CCDC14: variants seen among roughly 807,000 people sequenced by gnomAD.
CCDC14 encodes coiled-coil domain-containing protein 14.
Under a neutral mutation model 81.4 loss-of-function variants are expected in CCDC14, and 71 were observed. That is an observed-to-expected ratio of 0.87 (90% CI 0.72 to 1.06). CCDC14 has a LOEUF of 1.06. Ranked by LOEUF, CCDC14 falls within the 50% of genes least tolerant of loss-of-function variation. CCDC14 has a pLI of 0.00. For synonymous variants in CCDC14, 332 were observed against 364.8 expected (o/e 0.91, Z 1.03); for missense variants, 1,046 against 1,047.3 (o/e 1.00, Z 0.02).
chr3:123,914,773 C>A lies in CCDC14; in HGVS notation c.*6G>T. 1 of 1,501,862 alleles carries A rather than the reference C, an allele frequency of 6.7e-7. No individual in the cohort carries two copies. The highest frequency in any genetic ancestry group is 2.5e-5 in the East Asian group (1 of 40,642). The allele number at this position is 1,501,862 out of a possible 1,614,324, so 93.0% of individuals were successfully genotyped here. ...AAAGAAGCACCTGATGAGTTTTCTT[C>A]TGAATTCATTTCTCCAGAAGACCAG... On this transcript the variant is annotated 3_prime_UTR_variant, in exon 13 of 13. Transcript: ENST00000409697.
rs904692779 is a variant in CCDC14 at position 123,944,944 on chromosome 3, T to C, written c.1248A>G (p.Ile416Met). Residue 416 changes from isoleucine (I) to methionine (M), a missense_variant, in exon 9 of 13, where the codon ATA becomes ATG. Transcript: ENST00000409697. ...TTCCACTTACTGTTGGAAGTACAGA[T>C]ATACATGCCTCCATTTCTGTAATCA... ...QRLITEMEAC[I>M]SVLPTVSGNT... 1.9e-6 allele frequency: 3 copies of C among 1,609,496 alleles called. No individual in the cohort carries two copies. The African/African-American group carries it at 4.0e-5, about 22-fold the overall frequency.
intron 12 of CCDC14, among the ~76,000 whole-genome samples, chr3:123,917,624 A>T (rs1233783072): frequency 6.7e-6 from 1 of 148,384 alleles, no homozygotes; most frequent in Non-Finnish European, 1.5e-5. Flanking sequence ...TTCAACTTTT[A>T]ATCAAATAAA....
intron 8 of CCDC14, among the ~76,000 whole-genome samples, chr3:123,946,228 C>T (rs1377943659): frequency 6.6e-6 from 1 of 150,406 alleles, no homozygotes; most frequent in Admixed American, 6.6e-5. Context: ...TAACTCATTT[C>T]AAGCAAAAGC....
intron 5 of CCDC14, among the ~76,000 whole-genome samples, chr3:123,950,215 A>T (rs1034244673): frequency 3.9e-5 from 6 of 152,226 alleles, no homozygotes; most frequent in African/African-American, 1.4e-4. Flanking sequence ...TTAGAAAAAT[A>T]TATGGATATT....
At chr3:123,926,778 C>G (rs982399967) in intron 12 of CCDC14, among the ~76,000 whole-genome samples, 6 of 151,954 alleles carry the variant, frequency 3.9e-5, no homozygotes, top group Non-Finnish European at 8.8e-5. Flanking sequence ...ATTACTCCTC[C>G]CCCAAAGTCT....
rs1209302064 is a variant in CCDC14, at chr3:123,945,011, G to A, written c.1202-21C>T. 5.9e-6 allele frequency: 9 copies of A among 1,528,868 alleles called. No individual in the cohort carries two copies. In the Admixed American group the frequency reaches 1.3e-4, roughly 21 times the overall value. 94.7% of individuals were successfully genotyped at this position (1,528,868 alleles called of 1,614,324 possible). ...ATCCTCTATAGAAGGCAACAGAAAT[G>A]AGTAAAATCAATATTATATTTTTGG... On this transcript the variant is annotated intron_variant, in intron 8 of 12. Transcript: ENST00000409697.
chr3:123,891,440 C>A, the CCDC14 span, among the ~76,000 whole-genome samples: 1 of 152,364 alleles, frequency 6.6e-6, no homozygotes, highest in South Asian at 2.1e-4. Context: ...ACCTAAGTCA[C>A]CTCTTGAATG....
At chr3:123,947,505 C>A (rs1347539257) in intron 7 of CCDC14, among the ~76,000 whole-genome samples, 186 bp from the exon 8 acceptor site, 1 of 152,080 alleles carries the variant, frequency 6.6e-6, no homozygotes, top group Non-Finnish European at 1.5e-5. Context: ...TAACTACTCC[C>A]ATACAGTTAG....
At chr3:123,928,326 T>A (rs1577257595) in intron 12 of CCDC14, among the ~76,000 whole-genome samples, 1 of 114,464 alleles carries the variant, frequency 8.7e-6, no homozygotes. Flanking sequence ...TGAAACCCAG[T>A]CTCTACTAAA....
At chr3:123,938,471 T>C (rs962285337) in intron 9 of CCDC14, among the ~76,000 whole-genome samples, 1 of 151,940 alleles carries the variant, frequency 6.6e-6, no homozygotes. Flanking sequence ...CTTGCTAAGC[T>C]TTCTTATTAA....
At position 123,914,072 on chromosome 3, in the gene CCDC14, C is replaced by G. The variant is rs1192305870; in HGVS notation, c.*707G>C. ...TAAACATTTCTTATTTAAAAAAAAC[C>G]CACAAATTTCCCCAACTATAGCTTA... On this transcript the variant is annotated 3_prime_UTR_variant, in exon 13 of 13. Transcript: ENST00000409697. 2 of 985,014 alleles carry G rather than the reference C, an allele frequency of 2.0e-6. No individual in the cohort carries two copies. The highest frequency in any genetic ancestry group is 6.2e-5 in the Admixed American group (1 of 16,218). 61.0% of individuals were successfully genotyped at this position (985,014 alleles called of 1,614,324 possible).
At chr3:123,908,650 G>T (rs1207445067), downstream of CCDC14, among the ~76,000 whole-genome samples, 1 of 152,150 alleles carries the variant, frequency 6.6e-6, no homozygotes, top group Non-Finnish European at 1.5e-5. Flanking sequence ...TTCTGGGTAT[G>T]TTAGGAGTTG....
At chr3:123,895,855 T>C (rs989830354), downstream of CCDC14, among the ~76,000 whole-genome samples, 4 of 152,176 alleles carry the variant, frequency 2.6e-5, no homozygotes, top group Non-Finnish European at 4.4e-5. Context: ...GGAAAACAGT[T>C]TGGAGGCCCT....
chr3:123,915,801 A>G lies in CCDC14; in HGVS notation c.1779-83T>C, dbSNP rs1334421416. The G allele has an allele frequency of 2.8e-6, 3 of 1,087,090 alleles. No individual in the cohort carries two copies. In the African/African-American group the frequency reaches 4.7e-5, roughly 17 times the overall value. 67.3% of individuals were successfully genotyped at this position (1,087,090 alleles called of 1,614,324 possible). A position where few individuals can be genotyped will look rare whatever the true frequency, so the allele number is the denominator to read the frequency against. On this transcript the variant is annotated intron_variant, in intron 12 of 12. Transcript: ENST00000409697. ...TTATCTATACCTCCATCTTTAAAAA[A>G]AGGATTTGAGAGAAGTGTCTGGTTC...
intron 5 of CCDC14, among the ~76,000 whole-genome samples, chr3:123,951,466 C>G (rs2037018703): frequency 6.6e-6 from 1 of 152,102 alleles, no homozygotes; most frequent in South Asian, 2.1e-4. Flanking sequence ...TATTTCTTAC[C>G]AGAAATACAA....
chr3:123,921,575 G>A (rs1409741138), intron 12 of CCDC14, among the ~76,000 whole-genome samples: 1 of 152,124 alleles, frequency 6.6e-6, no homozygotes, highest in Non-Finnish European at 1.5e-5. Context: ...TCAGTACCCG[G>A]CTCTCAACAC....
chr3:123,910,097 A>G (rs1359487214), downstream of CCDC14, among the ~76,000 whole-genome samples: 3 of 152,112 alleles, frequency 2.0e-5, no homozygotes, highest in Non-Finnish European at 4.4e-5. Flanking sequence ...TCTAGTTAGA[A>G]CCTTAGTCTT....
chr3:123,918,540 T>C (rs1158368743), intron 12 of CCDC14, among the ~76,000 whole-genome samples: 1 of 152,106 alleles, frequency 6.6e-6, no homozygotes, highest in Non-Finnish European at 1.5e-5. Flanking sequence ...ATCACAGAAC[T>C]GAGAAAAGCT....
chr3:123,932,037 C>T (rs1055540619), intron 10 of CCDC14, among the ~76,000 whole-genome samples: 2 of 152,150 alleles, frequency 1.3e-5, no homozygotes, highest in African/African-American at 4.8e-5. Context: ...AGATCTATCA[C>T]GTTCTTTTTC....
Sources: allele counts gnomAD v4.1 joint callset (sites outside exome capture counted in the v4.1 genomes callset), GRCh38; gene constraint gnomAD v4.1.1; transcripts MANE v1.5; gene names NCBI Gene and HGNC (gene_info 2026-07-23, HGNC 2026-07-21).